CNTN3: variants seen among roughly 807,000 people sequenced by gnomAD.
CNTN3 encodes contactin 3.
Under a neutral mutation model 119.1 loss-of-function variants are expected in CNTN3, and 60 were observed. That is an observed-to-expected ratio of 0.50 (90% CI 0.41 to 0.62). The LOEUF (loss-of-function observed/expected upper bound fraction) is 0.62. Ranked by LOEUF, CNTN3 falls within the 20% of genes least tolerant of loss-of-function variation. CNTN3 has a pLI of 0.00. For synonymous variants in CNTN3, 450 were observed against 438.7 expected, an observed-to-expected ratio of 1.03 and a Z score of -0.32; for missense variants, 1,101 against 1,242.4, an observed-to-expected ratio of 0.89 and a Z score of 1.71.
chr3:74,320,017 A>G (rs1439443431), intron 13 of CNTN3, among the ~76,000 whole-genome samples: 1 of 152,196 alleles, frequency 6.6e-6, no homozygotes, highest in Non-Finnish European at 1.5e-5. Context: ...GTCAGGAAAG[A>G]ACAGGTGCTG....
chr3:74,578,210 A>AT (rs1374971557), intron 1 of CNTN3, among the ~76,000 whole-genome samples: 1 of 152,052 alleles, frequency 6.6e-6, no homozygotes, highest in Non-Finnish European at 1.5e-5. Context: ...GACTCTGGTT[A>AT]TAAGATGTTT....
intron 4 of CNTN3, among the ~76,000 whole-genome samples, chr3:74,447,978 T>C (rs1169626606): frequency 3.9e-5 from 6 of 152,214 alleles, no homozygotes; most frequent in African/African-American, 7.2e-5. Context: ...ATGATCCATG[T>C]AGACCGTTGC....
At chr3:74,498,420 T>C (rs1703102669) in intron 3 of CNTN3, among the ~76,000 whole-genome samples, 2 of 151,858 alleles carry the variant, frequency 1.3e-5, no homozygotes, top group Admixed American at 6.6e-5. Context: ...CTTATTTCTA[T>C]AGAAAGAGGT....
intron 4 of CNTN3, among the ~76,000 whole-genome samples, chr3:74,459,395 C>A (rs1702324866): frequency 6.6e-6 from 1 of 151,920 alleles, no homozygotes; most frequent in Non-Finnish European, 1.5e-5. Context: ...CTATTAATAG[C>A]AAAGAGCCCA....
intron 11 of CNTN3, among the ~76,000 whole-genome samples, chr3:74,358,298 T>C (rs1052852459): frequency 2.6e-5 from 4 of 152,198 alleles, no homozygotes; most frequent in African/African-American, 4.8e-5. Flanking sequence ...AAATATATCA[T>C]ACAAAGCAGA....
At chr3:74,395,177 T>C (rs1375504433) in intron 5 of CNTN3, among the ~76,000 whole-genome samples, 1 of 152,132 alleles carries the variant, frequency 6.6e-6, no homozygotes, top group East Asian at 1.9e-4. Context: ...AGGAACATCA[T>C]CTTCCTCTCT....
intron 11 of CNTN3, among the ~76,000 whole-genome samples, chr3:74,343,668 TA>T (rs1446941182): frequency 1.4e-4 from 22 of 152,370 alleles, no homozygotes; most frequent in African/African-American, 5.0e-4. Flanking sequence ...TTGGTAGGGC[TA>T]TGAATCACGG....
intron 9 of CNTN3, 42 bp from the exon 10 acceptor site, chr3:74,364,638 C>G: frequency 6.6e-7 from 1 of 1,512,756 alleles, no homozygotes; most frequent in East Asian, 2.3e-5. Context: ...ACAAACATAC[C>G]ACTTTAGAAT....
intron 5 of CNTN3, among the ~76,000 whole-genome samples, chr3:74,392,044 G>C (rs1041886126): frequency 5.3e-5 from 8 of 152,056 alleles, no homozygotes; most frequent in African/African-American, 1.9e-4. Flanking sequence ...CTAGAGATAG[G>C]CCCTGAGATG....
intron 13 of CNTN3, among the ~76,000 whole-genome samples, chr3:74,327,377 C>T (rs1703159312): frequency 6.6e-6 from 1 of 151,976 alleles, no homozygotes; most frequent in South Asian, 2.1e-4. Flanking sequence ...ATCCACCTGT[C>T]TTGGCCTCTC....
At chr3:74,604,712 T>C (rs185393578) in intron 1 of CNTN3, among the ~76,000 whole-genome samples, 330 of 152,162 alleles carry the variant, frequency 2.2e-3, no homozygotes, top group Non-Finnish European at 4.0e-3. Flanking sequence ...GGAATGTCAA[T>C]TACTGTAACC....
rs945124131 is a variant in CNTN3, at chr3:74,262,895, T to C, written c.*1506A>G. 3 of 152,022 alleles carry C rather than the reference T, an allele frequency of 2.0e-5. No individual in the cohort carries two copies. Among genetic ancestry groups the C allele is most frequent in the African/African-American group, 7.3e-5 (3 of 41,328 alleles). The allele number at this position is 152,022 out of a possible 1,614,324, so 9.4% of individuals were successfully genotyped here. On this transcript the variant is annotated 3_prime_UTR_variant, in exon 23 of 23. Coordinates refer to ENST00000263665, the MANE Select transcript of CNTN3 (RefSeq NM_020872.3). ...AGATTGTTTCAATATATACAGTATA[T>C]GCGGACCTTATAGAGAAAGTTATAA...
intron 1 of CNTN3, among the ~76,000 whole-genome samples, chr3:74,597,433 G>A (rs1381119829): frequency 6.6e-6 from 1 of 151,812 alleles, no homozygotes; most frequent in Non-Finnish European, 1.5e-5. Flanking sequence ...TAGCTACTGA[G>A]CTGTGGCTTT....
chr3:74,333,539 G>A (rs1386989694), intron 13 of CNTN3, among the ~76,000 whole-genome samples: 1 of 152,120 alleles, frequency 6.6e-6, no homozygotes, highest in Non-Finnish European at 1.5e-5. Context: ...TCTCCTCTTT[G>A]TGTGTCTATG....
intron 21 of CNTN3, 92 bp downstream of exon 21, chr3:74,267,174 T>C (rs1259439115): frequency 2.8e-6 from 2 of 718,104 alleles, no homozygotes; most frequent in African/African-American, 1.8e-5. Context: ...AGAAACCATA[T>C]CAATATATAG....
In CNTN3 at chr3:74,369,989, C is replaced by T. The variant is rs756141728; in HGVS notation, c.661G>A (p.Val221Met). The change falls in exon 7 of 23, where the codon GTG (valine) becomes ATG (methionine). Residue 221 changes from valine to methionine, a missense_variant and splice_region_variant. Val to Met is a conservative substitution (Grantham distance 21). Transcript: ENST00000263665. ...ATTTTAGGTTCATATTCACCCATCA[C>T]ACCTATAAATCCACAATATAAAGTT... ...PTPLVLRSDG[V>M]MGEYEPKIEV... is the part of the protein sequence containing the mutation. 6.6e-7 allele frequency: 1 copy of T among 1,523,412 alleles called. No homozygotes were observed. The highest frequency in any genetic ancestry group is 1.1e-5 in the South Asian group (1 of 88,126). 94.4% of individuals were successfully genotyped at this position (1,523,412 alleles called of 1,614,324 possible). A position where few individuals can be genotyped will look rare whatever the true frequency, so the allele number is the denominator to read the frequency against.
At chr3:74,557,047 T>C (rs1441192321) in intron 1 of CNTN3, among the ~76,000 whole-genome samples, 1 of 152,158 alleles carries the variant, frequency 6.6e-6, no homozygotes, top group African/African-American at 2.4e-5. Flanking sequence ...CCTTACCAGA[T>C]ACATAATTTA....
At chr3:74,429,954 A>G (rs1217322913) in intron 4 of CNTN3, among the ~76,000 whole-genome samples, 1 of 152,204 alleles carries the variant, frequency 6.6e-6, no homozygotes, top group African/African-American at 2.4e-5. Flanking sequence ...ACCTACCAAA[A>G]TACCTAAAAA....
At chr3:74,387,367 C>T (rs1017834048) in intron 5 of CNTN3, among the ~76,000 whole-genome samples, 2 of 152,126 alleles carry the variant, frequency 1.3e-5, no homozygotes, top group African/African-American at 2.4e-5. Context: ...ATGTTACTTT[C>T]AACAGAATAT....
Sources: gnomAD v4.1 joint callset for allele counts (sites outside exome capture counted in the v4.1 genomes callset) on GRCh38, gnomAD v4.1.1 for gene constraint, MANE v1.5 for transcripts, NCBI Gene and HGNC (gene_info 2026-07-23, HGNC 2026-07-21) for gene names.